Variants in ST18 observed in about 807,000 individuals in gnomAD.
ST18 encodes ST18 C2H2C-type zinc finger transcription factor.
In ST18, 50 loss-of-function variants were observed where a neutral mutation model predicts 110.0. That is an observed-to-expected ratio of 0.45 (90% CI 0.36 to 0.58). ST18 has a LOEUF of 0.58. Ranked by LOEUF, ST18 falls within the 20% of genes least tolerant of loss-of-function variation. The pLI is 0.00. For missense variants in ST18, 1,306 were observed against 1,280.1 expected, an observed-to-expected ratio of 1.02 and a Z score of -0.31; for synonymous variants, 461 against 452.4, an observed-to-expected ratio of 1.02 and a Z score of -0.24.
intron 2 of ST18, among the ~76,000 whole-genome samples, chr8:52,388,813 T>G (rs1189625568): frequency 1.7e-4 from 13 of 76,258 alleles, no homozygotes; most frequent in Admixed American, 5.6e-4. Context: ...CGGGGACTGT[T>G]GTGGGGTGGG....
At chr8:52,399,470 T>G (rs886772425) in intron 2 of ST18, among the ~76,000 whole-genome samples, 2 of 151,702 alleles carry the variant, frequency 1.3e-5, no homozygotes, top group African/African-American at 4.9e-5. Context: ...TCCTGCTAAC[T>G]TTAGGTTTCA....
chr8:52,119,469 T>C (rs2043820705), intron 23 of ST18, among the ~76,000 whole-genome samples: 1 of 152,072 alleles, frequency 6.6e-6, no homozygotes, highest in Admixed American at 6.5e-5. Context: ...GGATAAAGGG[T>C]ACTTGGCTTG....
intron 2 of ST18, among the ~76,000 whole-genome samples, chr8:52,259,006 T>C (rs2094603772): frequency 6.6e-6 from 1 of 152,150 alleles, no homozygotes; most frequent in South Asian, 2.1e-4. Context: ...AGACCTGTCA[T>C]GGTGCTGGCC....
At chr8:52,364,974 G>A (rs539234270) in intron 2 of ST18, among the ~76,000 whole-genome samples, 1 of 152,118 alleles carries the variant, frequency 6.6e-6, no homozygotes, top group South Asian at 2.1e-4. Flanking sequence ...AGCCAGGCAT[G>A]GTTGCGGGGG....
intron 2 of ST18, among the ~76,000 whole-genome samples, chr8:52,261,053 A>G (rs1295849166): frequency 6.6e-6 from 1 of 152,222 alleles, no homozygotes; most frequent in East Asian, 1.9e-4. Context: ...AAAACCAACA[A>G]GCCTGTTGGC....
chr8:52,220,583 C>T (rs1031408701), intron 5 of ST18, 158 bp downstream of exon 5: 1 of 152,032 alleles, frequency 6.6e-6, no homozygotes, highest in African/African-American at 2.4e-5. Flanking sequence ...GTATTTCTGA[C>T]AAAAATTGCA....
At position 52,182,929 on chromosome 8, in the gene ST18, G is replaced by A. The variant is rs536936570; in HGVS notation, c.87-2617C>T. On this transcript the variant is annotated intron_variant, in intron 8 of 25. Coordinates refer to ENST00000689386, the MANE Select transcript of ST18 (RefSeq NM_001352837.2). ...AAAAAAAGTCATTTCTGACTTTGAC[G>A]ACTGCGGTGATGAATGGGCCTGAAC... 5.5e-4 allele frequency among the ~76,000 whole-genome samples: 83 copies of A among 152,244 alleles called. 3 individuals carry two copies. In the South Asian group the frequency reaches 0.017, roughly 31 times the overall value.
chr8:52,215,201 G>A (rs928786627), intron 6 of ST18, among the ~76,000 whole-genome samples: 7 of 152,178 alleles, frequency 4.6e-5, no homozygotes, highest in Non-Finnish European at 1.0e-4. Context: ...TGCTCTCAGA[G>A]GCTGAGTTGT....
At chr8:52,137,617 T>C (rs568580225) in intron 17 of ST18, 134 bp from the exon 18 acceptor site, 56 of 762,304 alleles carry the variant, frequency 7.3e-5, no homozygotes, top group Non-Finnish European at 9.3e-5. Flanking sequence ...CAGAAGCTAG[T>C]GTACCAAGGA....
chr8:52,161,885 T>C (rs2061548843), intron 13 of ST18, among the ~76,000 whole-genome samples: 1 of 152,232 alleles, frequency 6.6e-6, no homozygotes, highest in Admixed American at 6.5e-5. Context: ...TTGATGCTTA[T>C]TAGCATTTTG....
intron 2 of ST18, among the ~76,000 whole-genome samples, chr8:52,362,010 T>C (rs1204248680): frequency 2.0e-5 from 3 of 152,246 alleles, no homozygotes; most frequent in Non-Finnish European, 4.4e-5. Context: ...TCTTTACACT[T>C]TGAACCTATA....
At chr8:52,147,736 C>A (rs935744963) in intron 16 of ST18, among the ~76,000 whole-genome samples, 1 of 152,002 alleles carries the variant, frequency 6.6e-6, no homozygotes, top group Admixed American at 6.6e-5. Flanking sequence ...TCTACTGGAC[C>A]CACATCCACA....
intron 2 of ST18, among the ~76,000 whole-genome samples, chr8:52,265,233 A>C (rs529390365): frequency 1.3e-5 from 2 of 152,212 alleles, no homozygotes; most frequent in Non-Finnish European, 2.9e-5. Flanking sequence ...ATTTGAAAGA[A>C]AATAGGAAGA....
At chr8:52,277,075 T>C (rs1564395646) in intron 2 of ST18, among the ~76,000 whole-genome samples, 2 of 152,236 alleles carry the variant, frequency 1.3e-5, no homozygotes, top group South Asian at 2.1e-4. Context: ...TCAAAGGCTA[T>C]AAAACCTTAT....
intron 25 of ST18, among the ~76,000 whole-genome samples, chr8:52,115,394 C>T (rs2042165731): frequency 6.6e-6 from 1 of 152,182 alleles, no homozygotes; most frequent in African/African-American, 2.4e-5. Context: ...CAAATACAGT[C>T]ATGCAATGCA....
chr8:52,147,699 C>T (rs1054502479), intron 16 of ST18, among the ~76,000 whole-genome samples: 5 of 151,988 alleles, frequency 3.3e-5, no homozygotes, highest in Non-Finnish European at 7.4e-5. Context: ...ATTCATGAGA[C>T]ACTGTCCTTC....
chr8:52,198,783 C>A (rs1471893341), intron 8 of ST18, among the ~76,000 whole-genome samples: 1 of 152,184 alleles, frequency 6.6e-6, no homozygotes, highest in East Asian at 1.9e-4. Context: ...ACAGAAATAA[C>A]CTGATAGAGA....
intron 8 of ST18, chr8:52,199,708 A>G (rs1026586233): frequency 5.3e-5 from 8 of 152,216 alleles, no homozygotes; most frequent in Non-Finnish European, 1.2e-4. Flanking sequence ...GGAGAGAACT[A>G]TGCTTCATAT....
At chr8:52,308,723 G>T (rs147051522) in intron 2 of ST18, among the ~76,000 whole-genome samples, 1 of 152,314 alleles carries the variant, frequency 6.6e-6, no homozygotes, top group Non-Finnish European at 1.5e-5. Context: ...GAGGGCAGAA[G>T]CCTCCAAGGA....
Sources: gnomAD v4.1 joint callset for allele counts (sites outside exome capture counted in the v4.1 genomes callset) on GRCh38, gnomAD v4.1.1 for gene constraint, MANE v1.5 for transcripts, NCBI Gene and HGNC (gene_info 2026-07-23, HGNC 2026-07-21) for gene names.